Variants in PCDHGB2 observed in about 807,000 individuals in gnomAD.
The protein encoded by PCDHGB2 is protocadherin gamma-B2.
A neutral mutation model predicts 59.3 loss-of-function variants in PCDHGB2; 55 were observed. That is an observed-to-expected ratio of 0.93 (90% CI 0.75 to 1.16). The LOEUF is 1.16. Among genes scored for constraint, PCDHGB2 ranks in the 50% most tolerant of loss-of-function variants. PCDHGB2 has a pLI of 0.00. For missense variants in PCDHGB2, 1,228 were observed against 1,198.5 expected, an observed-to-expected ratio of 1.02 and a Z score of -0.36; for synonymous variants, 516 against 512.0, an observed-to-expected ratio of 1.01 and a Z score of -0.11.
At position 141,423,686 on chromosome 5, in the gene PCDHGB2, A is replaced by T. The variant is rs752078243; in HGVS notation, c.2421+61130A>T. 10 of 1,328,296 alleles carry T rather than the reference A, an allele frequency of 7.5e-6. No homozygotes were observed. The East Asian group carries it at 3.6e-4, about 47-fold the overall frequency. The allele number at this position is 1,328,296 out of a possible 1,614,324, so 82.3% of individuals were successfully genotyped here. The stretch of plus-strand genomic sequence containing the variant: ...GTGAGATTTATTTCTCTGCCTCCTA[A>T]TTGTTGGTGTCTTGGCACAAGTCTT... On this transcript the variant is annotated intron_variant, in intron 1 of 3. Transcript: ENST00000522605.
chr5:141,389,742 C>T (rs1477462199), intron 1 of PCDHGB2: 2 of 1,612,602 alleles, frequency 1.2e-6, no homozygotes, highest in Non-Finnish European at 1.7e-6. Context: ...CCTGGGGCTG[C>T]GCACGGGCGA....
intron 1 of PCDHGB2, chr5:141,403,602 G>A (rs761454619): frequency 5.0e-6 from 8 of 1,613,800 alleles, no homozygotes; most frequent in Non-Finnish European, 5.9e-6. Context: ...GCCTCGGATG[G>A]CGGCGAGCCG....
At chr5:141,383,963 C>G (rs967868907) in intron 1 of PCDHGB2, 1 of 1,613,480 alleles carries the variant, frequency 6.2e-7, no homozygotes, top group South Asian at 1.1e-5. Flanking sequence ...TTAAGTAGCT[C>G]AATCCCTGAA....
At chr5:141,449,979 C>T (rs1382206842) in intron 1 of PCDHGB2, among the ~76,000 whole-genome samples, 1 of 148,862 alleles carries the variant, frequency 6.7e-6, no homozygotes, top group Non-Finnish European at 1.5e-5. Context: ...TCCAAAATAT[C>T]ACACATTGCA....
At chr5:141,399,593 C>T in intron 1 of PCDHGB2, 1 of 1,613,988 alleles carries the variant, frequency 6.2e-7, no homozygotes, top group Non-Finnish European at 8.5e-7. Flanking sequence ...TCTATCATGG[C>T]CAGCGACCTA....
intron 1 of PCDHGB2, among the ~76,000 whole-genome samples, chr5:141,401,496 C>T (rs909382274): frequency 6.6e-6 from 1 of 152,190 alleles, no homozygotes; most frequent in African/African-American, 2.4e-5. Context: ...GATGCAAAAT[C>T]CTTTTCCACC....
rs70988800 is a variant in PCDHGB2 at position 141,379,889 on chromosome 5, C to CTTTTTTTTTT, written c.2421+17354_2421+17363dup. Among the ~76,000 whole-genome samples, 163 of 50,832 alleles carry CTTTTTTTTTT rather than the reference C, an allele frequency of 3.2e-3. 26 individuals carry two copies. The highest frequency in any genetic ancestry group is 6.0e-3 in the African/African-American group (90 of 15,084). The allele number at this position is 50,832 out of a possible 152,430, so 33.3% of individuals were successfully genotyped here. On this transcript the variant is annotated intron_variant, in intron 1 of 3. Transcript: ENST00000522605. ...CTTATTTTATGGTCTGTGAAAGCCTCTTTTTTTTTTTTTTTTTTTTTTTTT... is the reference window on the plus strand; with the variant it reads ...CTTATTTTATGGTCTGTGAAAGCCTCTTTTTTTTTTTTTTTTTTTTTTTTTTTTTTTTTTT...
In PCDHGB2 at chr5:141,362,498, A is replaced by G; in HGVS notation, c.2363A>G (p.Glu788Gly). ...CTCGTCTGTGACAATGCCTCTTGGG[A>G]ACAAAATACAAATCATGGAGCCGCT... ...QDLVCDNASWEQNTNHGAAGV... is the reference protein window; with the variant it reads ...QDLVCDNASWGQNTNHGAAGV... The change falls in exon 1 of 4, where the codon GAA becomes GGA. Residue 788 changes from glutamate (E) to glycine (G), a missense_variant. Glu to Gly is a moderately conservative substitution (Grantham distance 98). Around this residue, in one of 3 missense-constraint regions of PCDHGB2, gnomAD observed 433 missense variants for 441.8 expected, o/e 0.98. Transcript: ENST00000522605. The G allele has an allele frequency of 1.2e-6, 2 of 1,614,032 alleles. No homozygotes were observed. Among genetic ancestry groups the G allele is most frequent in the Non-Finnish European group, 1.7e-6 (2 of 1,179,894 alleles).
At chr5:141,364,388 C>T in intron 1 of PCDHGB2, 2 of 1,600,174 alleles carry the variant, frequency 1.2e-6, no homozygotes, top group South Asian at 2.3e-5. Context: ...CTTCATGCTC[C>T]TGGGGACGCT....
intron 1 of PCDHGB2, among the ~76,000 whole-genome samples, chr5:141,425,482 C>T (rs1257043728): frequency 6.6e-6 from 1 of 152,192 alleles, no homozygotes; most frequent in Non-Finnish European, 1.5e-5. Context: ...CCTATGGCAA[C>T]CTACTAGGCT....
rs768074414 is a variant in PCDHGB2 at position 141,477,293 on chromosome 5, C to T, written c.2422-17514C>T. 8.1e-6 allele frequency: 13 copies of T among 1,614,180 alleles called. No homozygotes were observed. The highest frequency in any genetic ancestry group is 1.1e-5 in the Non-Finnish European group (13 of 1,180,036). ...CGGGCTGGTGACCTGCGAAGTTCCA[C>T]CGGGTCTCCCTTTCAGCCTTACTTC... On this transcript the variant is annotated intron_variant, in intron 1 of 3. Coordinates refer to ENST00000522605, the MANE Select transcript of PCDHGB2 (RefSeq NM_018923.3). This position sits in a 1 kb window ranked among gnomAD's most constrained non-coding sequence, Gnocchi z 4.9.
intron 1 of PCDHGB2, among the ~76,000 whole-genome samples, chr5:141,436,328 A>G (rs146180035): frequency 6.6e-6 from 1 of 152,326 alleles, no homozygotes; most frequent in East Asian, 1.9e-4. Flanking sequence ...CTGTTAGACC[A>G]TATCTCAAAT....
Position 141,362,067 on chromosome 5 carries a change from C to T in PCDHGB2, c.1932C>T (p.Val644=), listed in dbSNP as rs1762309889. ...ACGCGGCCCGCCAGCGCCTGCTGGT[C>T]GCTGTGCGTGATGGAGGACAGCCGC... ...DRDAARQRLL[V]AVRDGGQPPL... is the part of the protein sequence containing the mutation. The change falls in exon 1 of 4, where the codon GTC becomes GTT. Residue 644 remains valine (V), a synonymous_variant. Transcript: ENST00000522605. 3 of 1,612,358 alleles carry T rather than the reference C, an allele frequency of 1.9e-6. No individual in the cohort carries two copies. Among genetic ancestry groups the T allele is most frequent in the East Asian group, 4.5e-5 (2 of 44,870 alleles).
intron 1 of PCDHGB2, chr5:141,384,766 A>T (rs1277766667): frequency 6.2e-7 from 1 of 1,613,916 alleles, no homozygotes; most frequent in South Asian, 1.1e-5. Context: ...TGGGCTGTAC[A>T]CGGGCGAGGT....
intron 1 of PCDHGB2, among the ~76,000 whole-genome samples, chr5:141,369,759 G>A (rs6873480): frequency 0.13 from 19,861 of 152,140 alleles, 1,700 homozygotes; most frequent in African/African-American, 0.25. Flanking sequence ...AAGAATACAC[G>A]TGAAGCTGAT....
intron 1 of PCDHGB2, chr5:141,410,442 C>T (rs1444532577): frequency 6.2e-7 from 1 of 1,613,942 alleles, no homozygotes; most frequent in East Asian, 2.2e-5. Context: ...AGTGAGGGGA[C>T]TTTGCCTTAT....
chr5:141,404,707 C>A, intron 1 of PCDHGB2: 1 of 1,614,122 alleles, frequency 6.2e-7, no homozygotes, highest in South Asian at 1.1e-5. Flanking sequence ...CAGAGCCTGG[C>A]TACCTGGTGA....
chr5:141,454,865 TG>T (rs2098805228), intron 1 of PCDHGB2, among the ~76,000 whole-genome samples: 1 of 135,344 alleles, frequency 7.4e-6, no homozygotes, highest in Non-Finnish European at 1.5e-5. Flanking sequence ...TGGAGTGCAG[TG>T]GCACGATCTT....
chr5:141,395,364 A>G, intron 1 of PCDHGB2: 1 of 1,264,440 alleles, frequency 7.9e-7, no homozygotes, highest in Non-Finnish European at 1.1e-6. Flanking sequence ...TTTTGGGTTT[A>G]TTTTGGTGGT....
Sources: allele counts gnomAD v4.1 joint callset (sites outside exome capture counted in the v4.1 genomes callset), GRCh38; gene constraint gnomAD v4.1.1; regional missense constraint gnomAD v4.1.1; non-coding constraint Gnocchi (gnomAD v3.1); transcripts MANE v1.5; gene names NCBI Gene and HGNC (gene_info 2026-07-23, HGNC 2026-07-21).